The following CNTNAP4 variants were observed in gnomAD, a reference collection of about 807,000 sequenced individuals.
The protein encoded by CNTNAP4 is contactin-associated protein-like 4.
Under a neutral mutation model 148.4 loss-of-function variants are expected in CNTNAP4, and 98 were observed. The ratio of observed to expected loss-of-function variants is 0.66; its 90% CI spans 0.56 to 0.78. The LOEUF (loss-of-function observed/expected upper bound fraction) is 0.78. Among genes scored for constraint, CNTNAP4 ranks in the 30% least tolerant of loss-of-function variants. The pLI is 0.00. For synonymous variants in CNTNAP4, 730 were observed against 565.1 expected, an observed-to-expected ratio of 1.29 and a Z score of -4.14; for missense variants, 1,935 against 1,565.6, an observed-to-expected ratio of 1.24 and a Z score of -3.98.
chr16:76,475,970 G>A lies in CNTNAP4; in HGVS notation c.1687G>A (p.Glu563Lys). Reference protein sequence around the residue: ...CLPNYCEHGGECSQSWSTFHC... With the variant: ...CLPNYCEHGGKCSQSWSTFHC... ...GCCCAACTATTGTGAACACGGTGGG[G>A]AGTGTTCCCAGTCCTGGAGCACCTT... Residue 563 changes from glutamate (E) to lysine (K), a missense_variant, in exon 11 of 24, where the codon GAG (glutamate) becomes AAG (lysine). By Grantham distance (56) the Glu-to-Lys change is moderately conservative. Transcript: ENST00000611870. 1 of 1,613,818 alleles carries A rather than the reference G, an allele frequency of 6.2e-7. No individual in the cohort carries two copies. Among genetic ancestry groups the A allele is most frequent in the Non-Finnish European group, 8.5e-7 (1 of 1,179,748 alleles).
intron 12 of CNTNAP4, among the ~76,000 whole-genome samples, chr16:76,483,191 G>A (rs2081902306): frequency 6.6e-6 from 1 of 150,752 alleles, no homozygotes; most frequent in African/African-American, 2.4e-5. Context: ...ATTAGACAGC[G>A]ATAGGTTGAT....
rs754203778 is a variant in CNTNAP4 at position 76,462,015 on chromosome 16, T to G, written c.1393T>G (p.Leu465Val). 4 of 1,613,760 alleles carry G rather than the reference T, an allele frequency of 2.5e-6. No homozygotes were observed. The highest frequency in any genetic ancestry group is 3.4e-6 in the Non-Finnish European group (4 of 1,179,826). The change falls in exon 9 of 24, where the codon TTG becomes GTG. Residue 465 changes from leucine to valine, a missense_variant. Leu to Val is a conservative substitution (Grantham distance 32). Transcript: ENST00000611870. ...SVSLSAKKNH[L>V]SVAVDGQMAS... ...CTCTTTATCTGCTAAAAAGAATCAC[T>G]TGAGTGTGGCGGTGGACGGCCAGAT...
intron 2 of CNTNAP4, among the ~76,000 whole-genome samples, chr16:76,317,856 G>C (rs1170526892): frequency 6.6e-6 from 1 of 151,948 alleles, no homozygotes; most frequent in Non-Finnish European, 1.5e-5. Flanking sequence ...TCATATTATT[G>C]GAGATACCTA....
intron 17 of CNTNAP4, among the ~76,000 whole-genome samples, chr16:76,525,546 AAG>A (rs2083683718): frequency 6.8e-6 from 1 of 147,470 alleles, no homozygotes; most frequent in East Asian, 2.0e-4. Context: ...TGGAAGAGAC[AAG>A]AGACAGCCAA....
At chr16:76,535,841 C>T (rs2084191765) in intron 18 of CNTNAP4, 57 bp downstream of exon 18, 3 of 1,533,878 alleles carry the variant, frequency 2.0e-6, no homozygotes, top group East Asian at 2.4e-5. Flanking sequence ...GATTAAATGT[C>T]TGGCAGTTCT....
chr16:76,283,930 A>G (rs541277241), intron 1 of CNTNAP4, among the ~76,000 whole-genome samples: 2 of 152,174 alleles, frequency 1.3e-5, no homozygotes, highest in South Asian at 4.1e-4. Context: ...AGGAAGAGTA[A>G]GAAAAATGCA....
chr16:76,525,198 AT>A (rs968130076), intron 17 of CNTNAP4, among the ~76,000 whole-genome samples: 79 of 149,730 alleles, frequency 5.3e-4, no homozygotes, highest in East Asian at 2.9e-3. Context: ...AACTGGAGAT[AT>A]TTTTTTTTTC....
chr16:76,289,113 A>G (rs1392589909), intron 1 of CNTNAP4, among the ~76,000 whole-genome samples: 1 of 152,140 alleles, frequency 6.6e-6, no homozygotes, highest in African/African-American at 2.4e-5. Flanking sequence ...AGGCCACTAC[A>G]TCAAATTATT....
At chr16:76,433,620 T>G (rs554952445) in intron 4 of CNTNAP4, among the ~76,000 whole-genome samples, 1 of 152,080 alleles carries the variant, frequency 6.6e-6, no homozygotes, top group African/African-American at 2.4e-5. Flanking sequence ...AACAAAACAT[T>G]GAAAGACAGC....
At position 76,498,612 on chromosome 16, in the gene CNTNAP4, A is replaced by T. The variant is rs760849918; in HGVS notation, c.2283A>T (p.Val761=). The T allele has an allele frequency of 6.2e-6, 10 of 1,612,704 alleles. No individual in the cohort carries two copies. In the South Asian group the frequency reaches 1.1e-4, roughly 18 times the overall value. The part of the protein sequence containing the change: ...GLLAYKEHLP[V]TKIVITDTGR... ...TTGCTTATAAAGAACATCTTCCAGT[A>T]ACTAAGATCGTGATTACAGACACAG... Residue 761 remains valine, a synonymous_variant, in exon 15 of 24, where the codon GTA becomes GTT. Coordinates refer to ENST00000611870, the MANE Select transcript of CNTNAP4 (RefSeq NM_033401.5).
intron 3 of CNTNAP4, among the ~76,000 whole-genome samples, chr16:76,406,135 A>G (rs991814522): frequency 1.3e-5 from 2 of 152,192 alleles, no homozygotes; most frequent in African/African-American, 4.8e-5. Flanking sequence ...ATTTTACAAC[A>G]GCATGTGCTC....
In CNTNAP4 at chr16:76,319,813, A is replaced by T. The variant is rs1962219485; in HGVS notation, c.196+3290A>T. 2.6e-5 allele frequency among the ~76,000 whole-genome samples: 4 copies of T among 152,216 alleles called. 1 individual carries two copies. In the South Asian group the frequency reaches 8.3e-4, roughly 31 times the overall value. On this transcript the variant is annotated intron_variant, in intron 2 of 23. Coordinates refer to ENST00000611870, the MANE Select transcript of CNTNAP4 (RefSeq NM_033401.5). The stretch of plus-strand genomic sequence containing the variant: ...AAGAGGGGTTCTTCTCTAAGCCCAC[A>T]GAGGGAGTATGGCCCTGCCTGTGGA...
intron 3 of CNTNAP4, among the ~76,000 whole-genome samples, chr16:76,366,062 T>C (rs2014086938): frequency 1.3e-5 from 2 of 152,196 alleles, no homozygotes; most frequent in Non-Finnish European, 2.9e-5. Context: ...TATGTTTTAA[T>C]TTTTTGACTT....
intron 3 of CNTNAP4, among the ~76,000 whole-genome samples, chr16:76,414,324 T>G (rs1023108420): frequency 5.9e-5 from 9 of 151,466 alleles, no homozygotes; most frequent in Admixed American, 1.3e-4. Flanking sequence ...ATAAATTACA[T>G]TGAATGACTT....
intron 2 of CNTNAP4, among the ~76,000 whole-genome samples, chr16:76,322,017 C>A (rs1414415254): frequency 6.6e-6 from 1 of 152,076 alleles, no homozygotes; most frequent in African/African-American, 2.4e-5. Flanking sequence ...ACTTCACTGA[C>A]TGAGTTTGTT....
At chr16:76,316,229 GT>G (rs1961724556) in intron 1 of CNTNAP4, 183 bp from the exon 2 acceptor site, 2 of 631,396 alleles carry the variant, frequency 3.2e-6, no homozygotes, top group Non-Finnish European at 5.7e-6. Context: ...CTGTCTTTAA[GT>G]TTTTTCTTTT....
chr16:76,317,715 GTGTGTGTGTGTA>G (rs1278562404), intron 2 of CNTNAP4, among the ~76,000 whole-genome samples: 1 of 150,602 alleles, frequency 6.6e-6, no homozygotes, highest in African/African-American at 2.5e-5. Context: ...AAGAGTGTGT[GTGTGTGTGTGTA>G]TGTGTGTGTG....
rs527922432 is a variant in CNTNAP4 at position 76,309,151 on chromosome 16, T to C, written c.86-7262T>C. Reference sequence around the variant, plus strand: ...GCTGATGCTGCTTTTTAAACATACTTGTGTCTTCTGGGTGCTTAAAATGGA... The same window carrying C: ...GCTGATGCTGCTTTTTAAACATACTCGTGTCTTCTGGGTGCTTAAAATGGA... On this transcript the variant is annotated intron_variant, in intron 1 of 23. Coordinates refer to ENST00000611870, the MANE Select transcript of CNTNAP4 (RefSeq NM_033401.5). Among the ~76,000 whole-genome samples the C allele has an allele frequency of 8.1e-4, 123 of 152,136 alleles. No homozygotes were observed. The South Asian group carries it at 0.013, about 16-fold the overall frequency.
chr16:76,418,961 T>C (rs2144977971), intron 3 of CNTNAP4, among the ~76,000 whole-genome samples: 1 of 152,156 alleles, frequency 6.6e-6, no homozygotes, highest in East Asian at 1.9e-4. Context: ...TTAAATTCTC[T>C]TCAGAGGCGG....
Sources: gnomAD v4.1 joint callset for allele counts (sites outside exome capture counted in the v4.1 genomes callset) on GRCh38, gnomAD v4.1.1 for gene constraint, MANE v1.5 for transcripts, NCBI Gene and HGNC (gene_info 2026-07-23, HGNC 2026-07-21) for gene names.